Variants in GPHN observed in about 807,000 individuals in gnomAD.
GPHN encodes gephyrin.
GPHN carries 17 observed loss-of-function variants against 95.5 expected under a neutral mutation model. The observed-to-expected ratio is 0.18, with a 90% CI of 0.12 to 0.27. The LOEUF (loss-of-function observed/expected upper bound fraction) is 0.27. Among genes scored for constraint, GPHN ranks in the 10% least tolerant of loss-of-function variants. The probability of loss-of-function intolerance (pLI) is 1.00; values close to 1 mark genes in which losing one functional copy is unlikely to be tolerated. For missense variants in GPHN, 660 were observed against 978.1 expected, an observed-to-expected ratio of 0.67 and a Z score of 4.34; for synonymous variants, 320 against 322.5, an observed-to-expected ratio of 0.99 and a Z score of 0.08.
chr14:66,911,512 G>A (rs546468166), intron 5 of GPHN, among the ~76,000 whole-genome samples: 1 of 152,124 alleles, frequency 6.6e-6, no homozygotes, highest in South Asian at 2.1e-4. Flanking sequence ...GAAGGGACTT[G>A]AGATCAAGTC....
chr14:67,639,567 G>C, the GPHN span, among the ~76,000 whole-genome samples: 2 of 152,052 alleles, frequency 1.3e-5, no homozygotes, highest in Non-Finnish European at 2.9e-5. Context: ...GTGATTTAAG[G>C]AGAGTGCTGA....
intron 1 of GPHN, among the ~76,000 whole-genome samples, chr14:66,580,567 T>C (rs1373993638): frequency 6.6e-6 from 1 of 151,826 alleles, no homozygotes; most frequent in Non-Finnish European, 1.5e-5. Flanking sequence ...AGCAATCATA[T>C]GCCAACAAAT....
the GPHN span, chr14:67,224,645 C>T: frequency 3.3e-6 from 1 of 299,828 alleles, no homozygotes; most frequent in South Asian, 2.7e-5. Context: ...TTACAGTGAG[C>T]CCAAATTATG....
the GPHN span, among the ~76,000 whole-genome samples, chr14:67,568,318 A>G: frequency 4.6e-5 from 7 of 151,924 alleles, no homozygotes; most frequent in Non-Finnish European, 7.4e-5. Flanking sequence ...GCTGGAAGCC[A>G]TTATCTTCAG....
intron 10 of GPHN, 145 bp downstream of exon 10, chr14:67,023,820 T>C (rs1318228289): frequency 1.4e-6 from 1 of 719,886 alleles, no homozygotes; most frequent in Non-Finnish European, 2.4e-6. Flanking sequence ...TCTAAAAATA[T>C]TGCCAGTATC....
chr14:66,957,194 T>C (rs1006111001), intron 8 of GPHN, among the ~76,000 whole-genome samples: 2 of 129,038 alleles, frequency 1.5e-5, no homozygotes, highest in Admixed American at 7.6e-5. Context: ...TTTCTTTTTT[T>C]TTTTTTTTTT....
intron 11 of GPHN, among the ~76,000 whole-genome samples, chr14:67,075,220 C>G (rs975387106): frequency 7.9e-5 from 12 of 152,182 alleles, no homozygotes; most frequent in Non-Finnish European, 1.5e-4. Flanking sequence ...TATGCTAAAT[C>G]TTCCCTCCCT....
rs554903323 is a variant in GPHN at position 66,538,032 on chromosome 14, A to G, written c.64+29441A>G. 5.7e-4 allele frequency among the ~76,000 whole-genome samples: 86 copies of G among 152,192 alleles called. No homozygotes were observed. The Middle Eastern group carries it at 0.014, about 24-fold the overall frequency. ...GGTTTTGTAGAGATGGGGTCTCACT[A>G]TGTTGACCAGGCTGGTCTCAAACTC... On this transcript the variant is annotated intron_variant, in intron 1 of 22. Coordinates refer to ENST00000478722, the MANE Select transcript of GPHN (RefSeq NM_020806.5).
the GPHN span, chr14:67,380,676 A>G: frequency 2.6e-5 from 41 of 1,566,104 alleles, no homozygotes; most frequent in Non-Finnish European, 3.5e-5. Context: ...TCTATTTTGG[A>G]TAGTTTAGAT....
chr14:67,435,826 T>C, the GPHN span, among the ~76,000 whole-genome samples: 1,084 of 152,318 alleles, frequency 7.1e-3, 14 homozygotes, highest in African/African-American at 0.025. Context: ...GCCACGTCCA[T>C]TGGTGGTGCC....
chr14:67,363,653 C>T, the GPHN span, among the ~76,000 whole-genome samples: 1 of 151,840 alleles, frequency 6.6e-6, no homozygotes, highest in African/African-American at 2.4e-5. Flanking sequence ...ATGGGGAGAA[C>T]TAGGGAGAAA....
the GPHN span, among the ~76,000 whole-genome samples, chr14:67,427,431 G>T: frequency 6.6e-6 from 1 of 152,120 alleles, no homozygotes; most frequent in Non-Finnish European, 1.5e-5. Flanking sequence ...CCTTCGGCGG[G>T]CCCTGGGTTC....
intron 1 of GPHN, among the ~76,000 whole-genome samples, chr14:66,514,135 A>G (rs1190624320): frequency 6.6e-6 from 1 of 151,992 alleles, no homozygotes; most frequent in African/African-American, 2.4e-5. Context: ...TAATTTTTTA[A>G]GTACCAATTT....
At chr14:66,865,386 C>CA (rs1216250332) in intron 4 of GPHN, among the ~76,000 whole-genome samples, 1 of 151,864 alleles carries the variant, frequency 6.6e-6, no homozygotes, top group Non-Finnish European at 1.5e-5. Flanking sequence ...ACTGCATACC[C>CA]AGGAAAATTA....
intron 1 of GPHN, among the ~76,000 whole-genome samples, chr14:66,537,727 T>G (rs908083809): frequency 1.3e-5 from 2 of 152,216 alleles, no homozygotes; most frequent in African/African-American, 4.8e-5. Flanking sequence ...TTTCTTGTAG[T>G]GCCAGTCTCT....
chr14:66,944,465 A>C (rs2067622961), intron 8 of GPHN, among the ~76,000 whole-genome samples: 1 of 152,230 alleles, frequency 6.6e-6, no homozygotes, highest in Non-Finnish European at 1.5e-5. Context: ...AAGTCATGCA[A>C]ATCACACCAG....
chr14:67,291,145 A>G, the GPHN span, among the ~76,000 whole-genome samples: 1 of 152,136 alleles, frequency 6.6e-6, no homozygotes, highest in Admixed American at 6.5e-5. Context: ...AATATTGGAA[A>G]ACGATTCCCA....
At chr14:67,199,663 C>T in the GPHN span, 1 of 1,580,184 alleles carries the variant, frequency 6.3e-7, no homozygotes, top group East Asian at 2.2e-5. Context: ...AGAACCCGCT[C>T]TCCCAGCCTG....
the GPHN span, among the ~76,000 whole-genome samples, chr14:67,572,996 G>A: frequency 6.6e-6 from 1 of 152,174 alleles, no homozygotes; most frequent in Non-Finnish European, 1.5e-5. Context: ...TCCCTGGCCA[G>A]GCTCTCCCTC....
Sources: gnomAD v4.1 joint callset for allele counts (sites outside exome capture counted in the v4.1 genomes callset) on GRCh38, gnomAD v4.1.1 for gene constraint, MANE v1.5 for transcripts, NCBI Gene and HGNC (gene_info 2026-07-23, HGNC 2026-07-21) for gene names.